TF: variants seen among roughly 807,000 people sequenced by gnomAD.
TF encodes transferrin.
A neutral mutation model predicts 82.4 loss-of-function variants in TF; 55 were observed. That is an observed-to-expected ratio of 0.67 (90% CI 0.54 to 0.84). The LOEUF (loss-of-function observed/expected upper bound fraction) is 0.84, where lower values mean the gene tolerates loss of function less well. Among genes scored for constraint, TF ranks in the 40% least tolerant of loss-of-function variants. The pLI is 0.00. For missense variants in TF, 737 were observed against 868.4 expected (o/e 0.85, Z 1.90); for synonymous variants, 332 against 332.6 (o/e 1.00, Z 0.02).
chr3:133,709,594 C>G, the TF span: 1 of 171,892 alleles, frequency 5.8e-6, no homozygotes, highest in African/African-American at 2.4e-5. Context: ...TCCTGCCACA[C>G]TGCAGTTGGC....
chr3:133,772,985 T>C (rs997892190), intron 14 of TF: 1 of 152,194 alleles, frequency 6.6e-6, no homozygotes, highest in Non-Finnish European at 1.5e-5. Flanking sequence ...GTTTGTTACA[T>C]GGTATACTGC....
chr3:133,728,237 C>A, the TF span, among the ~76,000 whole-genome samples: 7 of 152,196 alleles, frequency 4.6e-5, 1 homozygote, highest in East Asian at 3.8e-4. Flanking sequence ...TGGATAATAT[C>A]CTGCAGAGTG....
At chr3:133,699,020 G>C in the TF span, among the ~76,000 whole-genome samples, 1 of 152,338 alleles carries the variant, frequency 6.6e-6, no homozygotes, top group Middle Eastern at 3.4e-3. Flanking sequence ...CCCCAGACTA[G>C]TTACCTTAAG....
At chr3:133,777,574 C>A in intron 16 of TF, 1 of 226,452 alleles carries the variant, frequency 4.4e-6, no homozygotes, top group Non-Finnish European at 8.7e-6. Flanking sequence ...ATGGTAGCCA[C>A]CAGCAAGATG....
At chr3:133,752,736 T>G (rs148570676) in intron 2 of TF, among the ~76,000 whole-genome samples, 55 of 152,284 alleles carry the variant, frequency 3.6e-4, no homozygotes, top group African/African-American at 1.3e-3. Flanking sequence ...CTCCATGACT[T>G]ACTGGCTATG....
At chr3:133,697,027 C>CT in the TF span, among the ~76,000 whole-genome samples, 2 of 152,162 alleles carry the variant, frequency 1.3e-5, no homozygotes, top group Admixed American at 6.5e-5. Context: ...TAGATCATCG[C>CT]TTTTTACATG....
chr3:133,720,833 A>G, the TF span, among the ~76,000 whole-genome samples: 1 of 152,036 alleles, frequency 6.6e-6, no homozygotes, highest in East Asian at 1.9e-4. Context: ...GTAGTTTTTA[A>G]TGTGTCCAGT....
At position 133,777,117 on chromosome 3, in the gene TF, C is replaced by A. The variant is rs376609200; in HGVS notation, c.1941C>A (p.Asp647Glu). Residue 647 changes from aspartate (D) to glutamate (E), a missense_variant, in exon 16 of 17, where the codon GAC becomes GAA. Coordinates refer to ENST00000402696, the MANE Select transcript of TF (RefSeq NM_001063.4). ...NFCLFRSETK[D>E]LLFRDDTVCL... is the part of the protein sequence containing the mutation. ...GTTTGTTCCGGTCGGAAACCAAGGA[C>A]CTTCTGTTCAGAGATGACACAGTAT... 6.2e-7 allele frequency: 1 copy of A among 1,614,170 alleles called. No individual in the cohort carries two copies. Among genetic ancestry groups the A allele is most frequent in the South Asian group, 1.1e-5 (1 of 91,080 alleles).
At chr3:133,702,898 A>T in the TF span, among the ~76,000 whole-genome samples, 1 of 152,158 alleles carries the variant, frequency 6.6e-6, no homozygotes, top group African/African-American at 2.4e-5. Flanking sequence ...TGTCAATTGT[A>T]AGGATTAAGT....
At chr3:133,778,405 G>T in intron 16 of TF, 181 bp from the exon 17 acceptor site, 1 of 587,838 alleles carries the variant, frequency 1.7e-6, no homozygotes, top group South Asian at 1.7e-5. Flanking sequence ...CACTCCCCAG[G>T]ATAGGCACAG....
chr3:133,774,506 A>G (rs1934336410), intron 14 of TF: 1 of 152,384 alleles, frequency 6.6e-6, no homozygotes, highest in Non-Finnish European at 1.5e-5. Context: ...ACATTTGTCA[A>G]GATCTAACAC....
rs1934735068 is a variant in TF, at chr3:133,788,195, T to C, written c.*9575T>C. On this transcript the variant is annotated 3_prime_UTR_variant, in exon 17 of 17. Coordinates refer to ENST00000402696, the MANE Select transcript of TF (RefSeq NM_001063.4). ...ACATCAGCTATGACAGGACATATAC[T>C]CTCCAACAGAGTAAATGACTTTGTA... 1 of 152,248 alleles carries C rather than the reference T, an allele frequency of 6.6e-6. No homozygotes were observed. Among genetic ancestry groups the C allele is most frequent in the Non-Finnish European group, 1.5e-5 (1 of 68,050 alleles). The allele number at this position is 152,248 out of a possible 1,614,324, so 9.4% of individuals were successfully genotyped here.
At chr3:133,762,037 C>T (rs60696787) in intron 9 of TF, 1 of 169,430 alleles carries the variant, frequency 5.9e-6, no homozygotes, top group African/African-American at 2.4e-5. Context: ...GAAACAAAAG[C>T]TGATTTATTT....
At chr3:133,776,950 TC>T in intron 15 of TF, 98 bp from the exon 16 acceptor site, 1 of 1,117,174 alleles carries the variant, frequency 9.0e-7, no homozygotes, top group Non-Finnish European at 1.3e-6. Flanking sequence ...CTTCCCTTTT[TC>T]CCCAGGGCTG....
At chr3:133,669,584 C>G in the TF span, among the ~76,000 whole-genome samples, 20 of 152,168 alleles carry the variant, frequency 1.3e-4, no homozygotes, top group Admixed American at 5.9e-4. Flanking sequence ...AAGGAAATTT[C>G]TTGCACTACC....
chr3:133,767,872 A>T (rs1026032243), intron 12 of TF, among the ~76,000 whole-genome samples, 157 bp from the exon 13 acceptor site: 3 of 152,214 alleles, frequency 2.0e-5, no homozygotes, highest in African/African-American at 7.2e-5. Flanking sequence ...TCCCCTTTAA[A>T]GCCTATAGCC....
chr3:133,685,248 T>G, the TF span, among the ~76,000 whole-genome samples: 1 of 152,196 alleles, frequency 6.6e-6, no homozygotes, highest in Non-Finnish European at 1.5e-5. Context: ...GCCAATATCA[T>G]ACTGAATGGG....
chr3:133,767,899 G>A, intron 12 of TF, 130 bp from the exon 13 acceptor site: 1 of 1,149,374 alleles, frequency 8.7e-7, no homozygotes, highest in Non-Finnish European at 1.3e-6. Flanking sequence ...GTCCTGGGTT[G>A]GTGGTGGCTG....
At chr3:133,719,736 A>G in the TF span, among the ~76,000 whole-genome samples, 3 of 152,072 alleles carry the variant, frequency 2.0e-5, no homozygotes, top group African/African-American at 7.2e-5. Flanking sequence ...AATTTTTCCA[A>G]TCCATGAACA....
Sources: allele counts gnomAD v4.1 joint callset (sites outside exome capture counted in the v4.1 genomes callset), GRCh38; gene constraint gnomAD v4.1.1; transcripts MANE v1.5; gene names NCBI Gene and HGNC (gene_info 2026-07-23, HGNC 2026-07-21).